RFFL: variants seen among roughly 807,000 people sequenced by gnomAD.
RFFL encodes the protein ring finger and FYVE like domain containing E3 ubiquitin protein ligase.
In RFFL, 16 loss-of-function variants were observed where a neutral mutation model predicts 40.4. The ratio of observed to expected loss-of-function variants is 0.40; its 90% CI spans 0.27 to 0.60. The LOEUF is 0.60. Ranked by LOEUF, RFFL falls within the 20% of genes least tolerant of loss-of-function variation. The pLI is 0.47. For missense variants in RFFL, 367 were observed against 451.7 expected (o/e 0.81, Z 1.70); for synonymous variants, 154 against 167.9 (o/e 0.92, Z 0.64).
intron 1 of RFFL, among the ~76,000 whole-genome samples, chr17:35,035,740 G>C (rs1004356329): frequency 2.0e-5 from 3 of 151,240 alleles, no homozygotes; most frequent in South Asian, 2.1e-4. Context: ...ATTCACTCTT[G>C]TCACCCAGGC....
At chr17:35,056,520 G>A (rs1190320236) in intron 1 of RFFL, among the ~76,000 whole-genome samples, 1 of 151,794 alleles carries the variant, frequency 6.6e-6, no homozygotes, top group East Asian at 1.9e-4. Context: ...TGGGATTACA[G>A]GCATGCACCA....
At chr17:35,029,676 C>A (rs1213121611) in intron 1 of RFFL, among the ~76,000 whole-genome samples, 1 of 151,436 alleles carries the variant, frequency 6.6e-6, no homozygotes, top group Non-Finnish European at 1.5e-5. Context: ...GCCCACCACA[C>A]CTGGCTAATT....
chr17:35,011,122 G>A lies in RFFL; in HGVS notation c.*846C>T, dbSNP rs1048626316. The A allele has an allele frequency of 3.3e-5, 5 of 152,194 alleles. No individual in the cohort carries two copies. The highest frequency in any genetic ancestry group is 1.2e-4 in the African/African-American group (5 of 41,448). 9.4% of individuals were successfully genotyped at this position (152,194 alleles called of 1,614,324 possible). A position where few individuals can be genotyped will look rare whatever the true frequency, so the allele number is the denominator to read the frequency against. On this transcript the variant is annotated 3_prime_UTR_variant, in exon 7 of 7. Transcript: ENST00000394597. Reference sequence around the variant, plus strand: ...AAGCCAAGCCAAAATTAAGGAGAAGGCCACTGCCTCCACCCATTGCTTCCC... The same window carrying A: ...AAGCCAAGCCAAAATTAAGGAGAAGACCACTGCCTCCACCCATTGCTTCCC...
At chr17:35,071,509 T>C (rs1042629388) in intron 1 of RFFL, among the ~76,000 whole-genome samples, 1 of 151,918 alleles carries the variant, frequency 6.6e-6, no homozygotes, top group African/African-American at 2.4e-5. Context: ...TCCCAGCTAC[T>C]TGGGAGGCTG....
intron 1 of RFFL, among the ~76,000 whole-genome samples, chr17:35,033,518 A>C (rs1348741046): frequency 2.0e-5 from 3 of 151,568 alleles, no homozygotes; most frequent in African/African-American, 7.3e-5. Flanking sequence ...TTTTGAGCGA[A>C]ACTCTGTCTC....
chr17:35,074,295 G>A (rs1242218829), intron 1 of RFFL: 2 of 152,138 alleles, frequency 1.3e-5, no homozygotes, highest in African/African-American at 4.8e-5. Context: ...ACTATTTGCG[G>A]TAAGAAGCCT....
intron 1 of RFFL, among the ~76,000 whole-genome samples, chr17:35,034,312 C>T (rs2091105872): frequency 1.3e-5 from 2 of 151,612 alleles, no homozygotes; most frequent in South Asian, 4.2e-4. Context: ...GTCTAGGCAC[C>T]ACAGAGCAAG....
upstream of RFFL, among the ~76,000 whole-genome samples, chr17:35,064,483 T>G (rs1311692056): frequency 6.6e-6 from 1 of 151,284 alleles, no homozygotes; most frequent in African/African-American, 2.4e-5. Flanking sequence ...CTAGAATGAC[T>G]GGCTCATCAA....
intron 1 of RFFL, among the ~76,000 whole-genome samples, chr17:35,027,559 T>C (rs1413847178): frequency 6.6e-6 from 1 of 151,648 alleles, no homozygotes; most frequent in Non-Finnish European, 1.5e-5. Flanking sequence ...ACTCCATCTC[T>C]ACTAAAAATA....
At chr17:35,031,195 C>T (rs1262388754) in intron 1 of RFFL, among the ~76,000 whole-genome samples, 4 of 151,970 alleles carry the variant, frequency 2.6e-5, no homozygotes, top group African/African-American at 9.7e-5. Context: ...CAACCTCTGC[C>T]TCCCAGGTTC....
At chr17:35,017,255 C>T (rs544587646) in intron 4 of RFFL, among the ~76,000 whole-genome samples, 4 of 152,246 alleles carry the variant, frequency 2.6e-5, no homozygotes, top group African/African-American at 7.2e-5. Flanking sequence ...GCCTGCCCTC[C>T]GGCAGCTCTT....
intron 1 of RFFL, among the ~76,000 whole-genome samples, chr17:35,029,652 C>T (rs1305604011): frequency 1.3e-5 from 2 of 151,212 alleles, no homozygotes; most frequent in African/African-American, 2.4e-5. Context: ...TCCCAAGTAG[C>T]TGGGACTACA....
intron 1 of RFFL, among the ~76,000 whole-genome samples, chr17:35,072,340 C>G (rs1175568389): frequency 1.3e-5 from 2 of 151,650 alleles, no homozygotes; most frequent in African/African-American, 4.8e-5. Context: ...AACAAAAAAC[C>G]CAGTCTTAAA....
intron 6 of RFFL, among the ~76,000 whole-genome samples, chr17:35,013,274 T>C (rs899486817): frequency 1.3e-5 from 2 of 152,122 alleles, no homozygotes; most frequent in East Asian, 1.9e-4. Flanking sequence ...GCCCTAAGAG[T>C]AGAAACTATC....
chr17:35,075,613 C>T (rs1421355132), intron 1 of RFFL, among the ~76,000 whole-genome samples: 1 of 152,152 alleles, frequency 6.6e-6, no homozygotes, highest in Non-Finnish European at 1.5e-5. Flanking sequence ...TGTTTAACTA[C>T]CAAAATAACA....
At chr17:35,065,812 G>A (rs902408760), upstream of RFFL, among the ~76,000 whole-genome samples, 19 of 152,184 alleles carry the variant, frequency 1.2e-4, no homozygotes, top group African/African-American at 4.1e-4. Context: ...AAGTGGAAAG[G>A]TTGAGGATTA....
chr17:35,068,461 A>G (rs912899634), upstream of RFFL, among the ~76,000 whole-genome samples: 14 of 152,214 alleles, frequency 9.2e-5, no homozygotes, highest in African/African-American at 3.4e-4. Context: ...ACATTTAGAT[A>G]CAGGAACTGG....
intron 1 of RFFL, among the ~76,000 whole-genome samples, chr17:35,073,274 C>G (rs2091360257): frequency 6.6e-6 from 1 of 152,072 alleles, no homozygotes; most frequent in Non-Finnish European, 1.5e-5. Flanking sequence ...TCACCAAAGC[C>G]ATGAGTAATG....
chr17:35,073,203 C>T (rs2091359915), intron 1 of RFFL, among the ~76,000 whole-genome samples: 1 of 152,186 alleles, frequency 6.6e-6, no homozygotes, highest in Admixed American at 6.5e-5. Context: ...GTTGGCCCAA[C>T]TATCTGAAAT....
Sources: gnomAD v4.1 joint callset for allele counts (sites outside exome capture counted in the v4.1 genomes callset) on GRCh38, gnomAD v4.1.1 for gene constraint, MANE v1.5 for transcripts, NCBI Gene and HGNC (gene_info 2026-07-23, HGNC 2026-07-21) for gene names.